TEPSIN: variants seen among roughly 807,000 people sequenced by gnomAD.
TEPSIN encodes the protein AP-4 complex accessory subunit tepsin.
In TEPSIN, 50 loss-of-function variants were observed where a neutral mutation model predicts 48.5. The ratio of observed to expected loss-of-function variants is 1.03; its 90% CI spans 0.82 to 1.31. The LOEUF (loss-of-function observed/expected upper bound fraction) is 1.31. Ranked by LOEUF, TEPSIN falls within the 50% of genes most tolerant of loss-of-function variation. TEPSIN has a pLI of 0.00. For synonymous variants in TEPSIN, 392 were observed against 358.8 expected, an observed-to-expected ratio of 1.09 and a Z score of -1.05; for missense variants, 838 against 815.9, an observed-to-expected ratio of 1.03 and a Z score of -0.33.
chr17:81,231,147 G>C (rs1457555741), intron 11 of TEPSIN: 2 of 575,928 alleles, frequency 3.5e-6, no homozygotes, highest in African/African-American at 3.8e-5. Flanking sequence ...ACACAGATGT[G>C]TGCATACCAC....
Position 81,233,340 on chromosome 17 carries a change from G to GCTGCTGT in TEPSIN, c.526+91_526+92insACAGCAG. On this transcript the variant is annotated intron_variant, in intron 7 of 12. Coordinates refer to ENST00000637944, the MANE Select transcript of TEPSIN (RefSeq NM_001363764.2). The surrounding 1 kb of genome is among the most constrained non-coding windows in gnomAD (Gnocchi z 5.8). ...GTAGGGGAGGGGACGGGGGACAGCA[G>GCTGCTGT]CTACTAGATGGGGCGGCATGGTCCG... 6.9e-7 allele frequency: 1 copy of GCTGCTGT among 1,441,610 alleles called. No individual in the cohort carries two copies. Among genetic ancestry groups the GCTGCTGT allele is most frequent in the South Asian group, 1.3e-5 (1 of 79,820 alleles). The allele number at this position is 1,441,610 out of a possible 1,614,324, so 89.3% of individuals were successfully genotyped here. A position where few individuals can be genotyped will look rare whatever the true frequency, so the allele number is the denominator to read the frequency against.
chr17:81,235,210 A>G (rs1376249449), intron 4 of TEPSIN, among the ~76,000 whole-genome samples: 1 of 152,248 alleles, frequency 6.6e-6, no homozygotes, highest in Non-Finnish European at 1.5e-5. Flanking sequence ...TCTGTAAGAT[A>G]AAGTGCTCCT....
intron 1 of TEPSIN, chr17:81,238,735 G>T (rs1161974455): frequency 1.6e-6 from 2 of 1,254,530 alleles, no homozygotes; most frequent in African/African-American, 3.1e-5. Context: ...AGGCCTGTTC[G>T]TTCCCCCAGG....
At chr17:81,236,294 G>A (rs1291300614) in intron 4 of TEPSIN, among the ~76,000 whole-genome samples, 1 of 152,242 alleles carries the variant, frequency 6.6e-6, no homozygotes, top group African/African-American at 2.4e-5. Context: ...CCCCAGAAGG[G>A]GAACCCACAG....
Position 81,237,418 on chromosome 17 carries a change from C to A in TEPSIN, c.90G>T (p.Pro30=). The change falls in exon 2 of 13, where the codon CCG becomes CCT. Residue 30 remains proline (P), a synonymous_variant. Transcript: ENST00000637944. ...TCTCTTCAAACAGGTAGCCCGGACA[C>A]GGGACATCATCATCGGACGTCCCCT... is the stretch of plus-strand genomic sequence containing the variant. The part of the protein sequence containing the change: ...LLKGTSDDDV[P]CPGYLFEEIA... 1 of 1,611,922 alleles carries A rather than the reference C, an allele frequency of 6.2e-7. No homozygotes were observed. Among genetic ancestry groups the A allele is most frequent in the Non-Finnish European group, 8.5e-7 (1 of 1,179,438 alleles).
rs374288281 is a variant in TEPSIN at position 81,230,602 on chromosome 17, G to C, written c.1175C>G (p.Pro392Arg). The C allele has an allele frequency of 1.2e-6, 2 of 1,609,232 alleles. No individual in the cohort carries two copies. The highest frequency in any genetic ancestry group is 2.2e-5 in the South Asian group (2 of 90,472). ...GCCCATGCTGAGCTCCTGCAGCCAC[G>C]GCCGGGTGCGGAGGAGGATGTGCTC... ...PQEHILLRTR[P>R]WLQELSMGSP... The change falls in exon 12 of 13, where the codon CCG becomes CGG. Residue 392 changes from proline (P) to arginine (R), a missense_variant. Pro to Arg is a moderately radical substitution (Grantham distance 103, BLOSUM62 -2). Coordinates refer to ENST00000637944, the MANE Select transcript of TEPSIN (RefSeq NM_001363764.2). This position sits in a 1 kb window ranked among gnomAD's most constrained non-coding sequence, Gnocchi z 4.2.
At position 81,228,838 on chromosome 17, in the gene TEPSIN, A is replaced by G; in HGVS notation, c.*90T>C. On this transcript the variant is annotated 3_prime_UTR_variant, in exon 13 of 13. Transcript: ENST00000637944. ...TCCTCTCAAGTCAAGCTGCCTGGAG[A>G]CTGTAGCAGCTACGGTTGAGGCTGC... is the stretch of plus-strand genomic sequence containing the variant. The G allele has an allele frequency of 6.7e-7, 1 of 1,502,794 alleles. No homozygotes were observed. Among genetic ancestry groups the G allele is most frequent in the South Asian group, 1.2e-5 (1 of 82,762 alleles). The allele number at this position is 1,502,794 out of a possible 1,614,324, so 93.1% of individuals were successfully genotyped here. A position where few individuals can be genotyped will look rare whatever the true frequency, so the allele number is the denominator to read the frequency against.
intron 11 of TEPSIN, chr17:81,231,147 G>A (rs1457555741): frequency 3.5e-6 from 2 of 575,928 alleles, no homozygotes; most frequent in East Asian, 2.9e-5. Context: ...ACACAGATGT[G>A]TGCATACCAC....
rs935644835 is a variant in TEPSIN at position 81,231,563 on chromosome 17, T to G, written c.1019+15A>C. ...TGGGGCTGAGGCAGAGCAGGGCGGG[T>G]CCGGGCGCACTCACGCTTTGATGAA... On this transcript the variant is annotated intron_variant, in intron 10 of 12. Transcript: ENST00000637944. 1 of 1,606,590 alleles carries G rather than the reference T, an allele frequency of 6.2e-7. No individual in the cohort carries two copies. The highest frequency in any genetic ancestry group is 1.7e-4 in the Middle Eastern group (1 of 5,970).
chr17:81,237,978 C>T lies in TEPSIN; in HGVS notation c.49-519G>A, dbSNP rs900303879. The T allele has an allele frequency of 4.0e-6, 4 of 999,474 alleles. No individual in the cohort carries two copies. In the Admixed American group the frequency reaches 2.1e-4, roughly 52 times the overall value. The allele number at this position is 999,474 out of a possible 1,614,324, so 61.9% of individuals were successfully genotyped here. On this transcript the variant is annotated intron_variant, in intron 1 of 12. Coordinates refer to ENST00000637944, the MANE Select transcript of TEPSIN (RefSeq NM_001363764.2). ...TTTACGTTCGCTTAGCGCAGACGTA[C>T]TTATTTGTTTCATGCTTACTTACTG...
rs755568105 is a variant in TEPSIN at position 81,233,598 on chromosome 17, C to A, written c.454+40G>T. ...CCCAGGACACTCAAGGAGGCAGAAA[C>A]CAGGTGCCAGAGCTGGACACGGTCC... On this transcript the variant is annotated intron_variant, in intron 6 of 12. Transcript: ENST00000637944. The surrounding 1 kb of genome is among the most constrained non-coding windows in gnomAD (Gnocchi z 5.8). 1 of 1,575,024 alleles carries A rather than the reference C, an allele frequency of 6.3e-7. No homozygotes were observed. Among genetic ancestry groups the A allele is most frequent in the Non-Finnish European group, 8.6e-7 (1 of 1,159,676 alleles).
Position 81,228,882 on chromosome 17 carries a change from C to G in TEPSIN, c.*46G>C, listed in dbSNP as rs1470770234. The stretch of plus-strand genomic sequence containing the variant: ...AGGCTGCTCAGGAAGCACAGACCGC[C>G]CCAGACAGCAGCTGAAGCTGAAGAC... On this transcript the variant is annotated 3_prime_UTR_variant, in exon 13 of 13. Coordinates refer to ENST00000637944, the MANE Select transcript of TEPSIN (RefSeq NM_001363764.2). 6.2e-7 allele frequency: 1 copy of G among 1,607,026 alleles called. No homozygotes were observed. The highest frequency in any genetic ancestry group is 1.7e-5 in the Admixed American group (1 of 59,534).
chr17:81,233,709 C>T lies in TEPSIN; in HGVS notation c.383G>A (p.Gly128Glu). The change falls in exon 6 of 13, where the codon GGG becomes GAG. Residue 128 changes from glycine (G) to glutamate (E), a missense_variant. Physicochemically the swap from Gly to Glu is moderately conservative, Grantham distance 98. Coordinates refer to ENST00000637944, the MANE Select transcript of TEPSIN (RefSeq NM_001363764.2). This position sits in a 1 kb window ranked among gnomAD's most constrained non-coding sequence, Gnocchi z 5.8. ...CACGGTGTCCGAGAACAGGGTGCTC[C>T]CCAAGTCCTACAGGGGGAGGCGAAG... is the stretch of plus-strand genomic sequence containing the variant. The part of the protein sequence containing the change: ...QKVRAAAQDL[G>E]STLFSDTVLP... 1 of 1,597,940 alleles carries T rather than the reference C, an allele frequency of 6.3e-7. No individual in the cohort carries two copies. The highest frequency in any genetic ancestry group is 8.5e-7 in the Non-Finnish European group (1 of 1,174,540).
Position 81,233,852 on chromosome 17 carries a change from C to T in TEPSIN, c.375+129G>A. On this transcript the variant is annotated intron_variant, in intron 5 of 12. Coordinates refer to ENST00000637944, the MANE Select transcript of TEPSIN (RefSeq NM_001363764.2). The surrounding 1 kb of genome is among the most constrained non-coding windows in gnomAD (Gnocchi z 5.8). ...CAGCTGGACACAGGCTCTGTGTCCA[C>T]CAGCAAGGAGCAGAGGCAGGGGTCC... The T allele has an allele frequency of 3.7e-6, 5 of 1,355,060 alleles. No individual in the cohort carries two copies. Among genetic ancestry groups the T allele is most frequent in the South Asian group, 1.4e-5 (1 of 70,090 alleles). The allele number at this position is 1,355,060 out of a possible 1,614,324, so 83.9% of individuals were successfully genotyped here. A position where few individuals can be genotyped will look rare whatever the true frequency, so the allele number is the denominator to read the frequency against.
At position 81,236,713 on chromosome 17, in the gene TEPSIN, G is replaced by C. The variant is rs1461349570; in HGVS notation, c.302C>G (p.Ala101Gly). 1 of 1,561,866 alleles carries C rather than the reference G, an allele frequency of 6.4e-7. No homozygotes were observed. Among genetic ancestry groups the C allele is most frequent in the Non-Finnish European group, 8.7e-7 (1 of 1,153,582 alleles). Residue 101 changes from alanine to glycine, a missense_variant, in exon 4 of 13, where the codon GCT (alanine) becomes GGT (glycine). Transcript: ENST00000637944. ...CGCGTGCGCGGCCCCTGTACCTGCA[G>C]CTTCCTGGATGAAGGCAGAGTTGCG... Reference protein sequence around the residue: ...LKRNSAFIQEAAAFAGPPDPL... With the variant: ...LKRNSAFIQEGAAFAGPPDPL...
chr17:81,231,660 G>T lies in TEPSIN; in HGVS notation c.937C>A (p.Gln313Lys). Residue 313 changes from glutamine (Q) to lysine (K), a missense_variant, in exon 10 of 13, where the codon CAG (glutamine) becomes AAG (lysine). Gln to Lys is a moderately conservative substitution (Grantham distance 53). Transcript: ENST00000637944. ...ACAGTCCTCACCAAGCTCAACTCCTGCTGACAGTCACTCAGGGCCACCACC... is the reference window on the plus strand; with the variant it reads ...ACAGTCCTCACCAAGCTCAACTCCTTCTGACAGTCACTCAGGGCCACCACC... ...VEVVALSDCQ[Q>K]ELSLVRTVTR... 1 of 1,613,078 alleles carries T rather than the reference G, an allele frequency of 6.2e-7. No individual in the cohort carries two copies. Among genetic ancestry groups the T allele is most frequent in the South Asian group, 1.1e-5 (1 of 91,010 alleles).
At chr17:81,237,688 T>C in intron 1 of TEPSIN, 1 of 593,592 alleles carries the variant, frequency 1.7e-6, no homozygotes, top group South Asian at 2.1e-5. Context: ...TCAATGGTGG[T>C]TCTCCACGGA....
intron 4 of TEPSIN, 95 bp downstream of exon 4, chr17:81,236,613 G>T (rs1432922447): frequency 1.3e-5 from 17 of 1,296,686 alleles, no homozygotes; most frequent in Non-Finnish European, 1.6e-5. Context: ...TGAGGGCTCT[G>T]GCTGAAGTCT....
At chr17:81,238,888 G>T in intron 1 of TEPSIN, 98 bp downstream of exon 1, 1 of 1,366,678 alleles carries the variant, frequency 7.3e-7, no homozygotes, top group South Asian at 1.7e-5. Flanking sequence ...CCGGCGCGGA[G>T]ACGCAAGGTC....
Sources: allele counts gnomAD v4.1 joint callset (sites outside exome capture counted in the v4.1 genomes callset), GRCh38; gene constraint gnomAD v4.1.1; non-coding constraint Gnocchi (gnomAD v3.1); transcripts MANE v1.5; gene names NCBI Gene and HGNC (gene_info 2026-07-23, HGNC 2026-07-21).